Variants in SLC24A4 observed in about 807,000 individuals in gnomAD.
SLC24A4 encodes the protein solute carrier family 24 member 4.
SLC24A4 carries 53 observed loss-of-function variants against 79.0 expected under a neutral mutation model. The ratio of observed to expected loss-of-function variants is 0.67; its 90% CI spans 0.54 to 0.84. The LOEUF (loss-of-function observed/expected upper bound fraction) is 0.84. Ranked by LOEUF, SLC24A4 falls within the 40% of genes least tolerant of loss-of-function variation. SLC24A4 has a pLI of 0.00. For missense variants in SLC24A4, 731 were observed against 822.0 expected (o/e 0.89, Z 1.35); for synonymous variants, 323 against 323.8 (o/e 1.00, Z 0.03).
At chr14:92,435,296 C>G (rs1020049813) in intron 3 of SLC24A4, among the ~76,000 whole-genome samples, 1 of 152,192 alleles carries the variant, frequency 6.6e-6, no homozygotes, top group African/African-American at 2.4e-5. Context: ...AATAGGCAAA[C>G]TACAACCCTA....
rs376302214 is a variant in SLC24A4 at position 92,484,623 on chromosome 14, C to T, written c.1422+1777C>T. 1.2e-4 allele frequency: 122 copies of T among 985,420 alleles called. No homozygotes were observed. The African/African-American group carries it at 2.0e-3, about 16-fold the overall frequency. The allele number at this position is 985,420 out of a possible 1,614,324, so 61.0% of individuals were successfully genotyped here. A position where few individuals can be genotyped will look rare whatever the true frequency, so the allele number is the denominator to read the frequency against. On this transcript the variant is annotated intron_variant, in intron 13 of 16. Transcript: ENST00000532405. ...CAAGCCTCCAGGACCCCAGCATCTGCCCCAGCCCCAGGCACTCACACTTGG... is the reference window on the plus strand; with the variant it reads ...CAAGCCTCCAGGACCCCAGCATCTGTCCCAGCCCCAGGCACTCACACTTGG...
chr14:92,486,580 G>T, intron 13 of SLC24A4, 86 bp from the exon 14 acceptor site: 2 of 803,590 alleles, frequency 2.5e-6, no homozygotes, highest in African/African-American at 1.7e-5. Flanking sequence ...TGTTTCCTAC[G>T]CTTACAGTGT....
intron 2 of SLC24A4, among the ~76,000 whole-genome samples, chr14:92,403,079 G>A (rs937335732): frequency 1.3e-5 from 2 of 152,082 alleles, no homozygotes; most frequent in Non-Finnish European, 2.9e-5. Flanking sequence ...TGGCTTTCAG[G>A]TCCTGCAGAA....
At position 92,491,738 on chromosome 14, in the gene SLC24A4, G is replaced by C; in HGVS notation, c.1611G>C (p.Pro537=). ...VFDILVGLGV[P]WGLQTMVVNY... ...ACATCCTGGTAGGACTTGGTGTACC[G>C]TGGGGCCTGCAGACCATGGTTGTTA... Residue 537 remains proline (P), a synonymous_variant, in exon 15 of 17, where the codon CCG becomes CCC. Transcript: ENST00000532405. The C allele has an allele frequency of 6.2e-7, 1 of 1,613,894 alleles. No homozygotes were observed. Among genetic ancestry groups the C allele is most frequent in the South Asian group, 1.1e-5 (1 of 91,072 alleles).
chr14:92,371,187 C>T (rs72695116), intron 2 of SLC24A4, among the ~76,000 whole-genome samples: 9,427 of 152,292 alleles, frequency 0.062, 322 homozygotes, highest in South Asian at 0.074. Flanking sequence ...TAAACATAAA[C>T]GGCTCCGACA....
At chr14:92,426,840 A>G (rs1370566460) in intron 2 of SLC24A4, among the ~76,000 whole-genome samples, 1 of 152,176 alleles carries the variant, frequency 6.6e-6, no homozygotes, top group Non-Finnish European at 1.5e-5. Context: ...TATAAGTTGA[A>G]ACAATAAAAA....
At chr14:92,351,838 T>C (rs1476530425) in intron 2 of SLC24A4, among the ~76,000 whole-genome samples, 1 of 149,052 alleles carries the variant, frequency 6.7e-6, no homozygotes, top group African/African-American at 2.5e-5. Flanking sequence ...TACTCCAGCC[T>C]GGGTGACAGG....
chr14:92,337,986 G>A (rs1885912217), intron 2 of SLC24A4, among the ~76,000 whole-genome samples: 2 of 152,162 alleles, frequency 1.3e-5, no homozygotes, highest in Admixed American at 1.3e-4. Flanking sequence ...GCTTCATTTT[G>A]AGTTAAAGTT....
intron 13 of SLC24A4, chr14:92,484,519 A>G: frequency 1.0e-6 from 1 of 985,356 alleles, no homozygotes; most frequent in South Asian, 4.7e-5. Context: ...GTATCCCAAA[A>G]AGAAGCTCAG....
intron 2 of SLC24A4, among the ~76,000 whole-genome samples, chr14:92,401,009 A>G (rs571967550): frequency 7.5e-4 from 114 of 152,280 alleles, no homozygotes; most frequent in Non-Finnish European, 1.4e-3. Flanking sequence ...ATTCTTCTGA[A>G]AGTGTCTTCA....
At chr14:92,474,825 A>ATGTGTG (rs762949686) in intron 12 of SLC24A4, among the ~76,000 whole-genome samples, 2,507 of 31,630 alleles carry the variant, frequency 0.079, 140 homozygotes, top group Admixed American at 0.19. Context: ...ATATATACAT[A>ATGTGTG]TATATGTGTG....
chr14:92,500,317 T>A lies in SLC24A4; in HGVS notation c.*6689T>A, dbSNP rs1595375662. 6.6e-6 allele frequency: 1 copy of A among 152,214 alleles called. No individual in the cohort carries two copies. Among genetic ancestry groups the A allele is most frequent in the African/African-American group, 2.4e-5 (1 of 41,444 alleles). 9.4% of individuals were successfully genotyped at this position (152,214 alleles called of 1,614,324 possible). A position where few individuals can be genotyped will look rare whatever the true frequency, so the allele number is the denominator to read the frequency against. ...TTTCTAGATGCATGGTTTGGTGTGA[T>A]CTACCTTTGTGCCTAAAGGGAATGT... On this transcript the variant is annotated 3_prime_UTR_variant, in exon 17 of 17. Transcript: ENST00000532405.
At chr14:92,326,982 A>T (rs999213000) in intron 2 of SLC24A4, among the ~76,000 whole-genome samples, 2 of 152,172 alleles carry the variant, frequency 1.3e-5, no homozygotes, top group African/African-American at 4.8e-5. Context: ...GTTGGATGGC[A>T]GTCCCCACGT....
At chr14:92,422,867 G>A (rs4904906) in intron 2 of SLC24A4, among the ~76,000 whole-genome samples, 62,814 of 152,014 alleles carry the variant, frequency 0.41, 13,227 homozygotes, top group Non-Finnish European at 0.44. Flanking sequence ...AGGCTGGAGT[G>A]CATTGGTGCC....
At chr14:92,416,852 G>C (rs1891008738) in intron 2 of SLC24A4, among the ~76,000 whole-genome samples, 1 of 152,240 alleles carries the variant, frequency 6.6e-6, no homozygotes, top group South Asian at 2.1e-4. Context: ...GAATGAGGCA[G>C]ACTTTTCTTG....
intron 3 of SLC24A4, among the ~76,000 whole-genome samples, chr14:92,437,986 A>G (rs1451089665): frequency 6.6e-6 from 1 of 152,140 alleles, no homozygotes; most frequent in African/African-American, 2.4e-5. Flanking sequence ...TTCAACAAAC[A>G]CACAACAAAA....
At chr14:92,408,895 G>C (rs1216498856) in intron 2 of SLC24A4, among the ~76,000 whole-genome samples, 2 of 152,160 alleles carry the variant, frequency 1.3e-5, no homozygotes, top group African/African-American at 2.4e-5. Context: ...TTCAGTATCT[G>C]TGAATTACAA....
intron 2 of SLC24A4, among the ~76,000 whole-genome samples, chr14:92,425,374 A>C (rs138859091): frequency 9.8e-4 from 149 of 152,356 alleles, no homozygotes; most frequent in African/African-American, 3.3e-3. Flanking sequence ...TTGGAGGGAC[A>C]CTATTCACCT....
intron 2 of SLC24A4, among the ~76,000 whole-genome samples, chr14:92,363,981 C>G (rs917628892): frequency 6.6e-6 from 1 of 152,208 alleles, no homozygotes; most frequent in African/African-American, 2.4e-5. Context: ...GTGGCACCTC[C>G]AGATGCTTGC....
Sources: gnomAD v4.1 joint callset for allele counts (sites outside exome capture counted in the v4.1 genomes callset) on GRCh38, gnomAD v4.1.1 for gene constraint, MANE v1.5 for transcripts, NCBI Gene and HGNC (gene_info 2026-07-23, HGNC 2026-07-21) for gene names.